UVRAG: variants seen among roughly 807,000 people sequenced by gnomAD.
UVRAG encodes the protein UV radiation resistance-associated gene protein.
UVRAG carries 19 observed loss-of-function variants against 78.0 expected under a neutral mutation model. The observed-to-expected ratio is 0.24, with a 90% confidence interval of 0.17 to 0.36. The LOEUF (loss-of-function observed/expected upper bound fraction) is 0.36, where lower values mean the gene tolerates loss of function less well. Ranked by LOEUF, UVRAG falls within the 10% of genes least tolerant of loss-of-function variation. UVRAG has a pLI of 1.00. For synonymous variants in UVRAG, 323 were observed against 324.6 expected (o/e 1.00, Z 0.05); for missense variants, 740 against 853.8 (o/e 0.87, Z 1.66).
Position 75,836,008 on chromosome 11 carries a change from G to A in UVRAG, c.118-15875G>A, listed in dbSNP as rs531629099. Among the ~76,000 whole-genome samples, 3 of 152,230 alleles carry A rather than the reference G, an allele frequency of 2.0e-5. No individual in the cohort carries two copies. The South Asian group carries it at 6.2e-4, about 32-fold the overall frequency. On this transcript the variant is annotated intron_variant, in intron 1 of 14. Transcript: ENST00000356136. ...CCCAGCTACTTGGGAGGCTGAGGCA[G>A]GAGAATCGCTTGAACCCGGGAGGCG...
chr11:76,110,211 CATATATAT>C (rs10526191), intron 13 of UVRAG, among the ~76,000 whole-genome samples: 4 of 136,644 alleles, frequency 2.9e-5, no homozygotes, highest in African/African-American at 8.9e-5. Context: ...ATATCTGGTA[CATATATAT>C]ATATATATAT....
At chr11:75,840,386 G>C (rs1285568648) in intron 1 of UVRAG, among the ~76,000 whole-genome samples, 1 of 151,988 alleles carries the variant, frequency 6.6e-6, no homozygotes, top group African/African-American at 2.4e-5. Context: ...CTGTTTCTTA[G>C]AGTAACACTA....
chr11:76,037,146 A>G (rs1339412600), intron 12 of UVRAG, among the ~76,000 whole-genome samples: 1 of 152,184 alleles, frequency 6.6e-6, no homozygotes, highest in African/African-American at 2.4e-5. Context: ...CCTGAACAGG[A>G]CAATAGAAGA....
chr11:75,846,872 A>G (rs1033776551), intron 1 of UVRAG, among the ~76,000 whole-genome samples: 2 of 151,144 alleles, frequency 1.3e-5, no homozygotes, highest in African/African-American at 4.9e-5. Context: ...CGCATAGGCT[A>G]TAGTGCAGTG....
chr11:75,906,327 A>C (rs1018126914), intron 5 of UVRAG, among the ~76,000 whole-genome samples: 9 of 151,558 alleles, frequency 5.9e-5, no homozygotes, highest in Non-Finnish European at 1.2e-4. Context: ...GGTTTTTTTT[A>C]GCTTTATAGT....
At chr11:76,013,383 GA>G (rs1950090285) in intron 11 of UVRAG, among the ~76,000 whole-genome samples, 1 of 152,110 alleles carries the variant, frequency 6.6e-6, no homozygotes, top group African/African-American at 2.4e-5. Flanking sequence ...TCACATACCT[GA>G]GTCTTAAGGT....
intron 7 of UVRAG, among the ~76,000 whole-genome samples, chr11:75,964,234 T>G (rs916440787): frequency 6.6e-6 from 1 of 152,234 alleles, no homozygotes; most frequent in Non-Finnish European, 1.5e-5. Flanking sequence ...TGTCTCATTT[T>G]GTTGTCAGGG....
intron 14 of UVRAG, among the ~76,000 whole-genome samples, chr11:76,136,259 T>C (rs1168295200): frequency 4.6e-5 from 7 of 152,184 alleles, no homozygotes; most frequent in African/African-American, 1.7e-4. Flanking sequence ...AAATCAAAAT[T>C]ATTTTATTAA....
At chr11:75,915,601 T>C (rs1238212535) in intron 6 of UVRAG, among the ~76,000 whole-genome samples, 1 of 152,176 alleles carries the variant, frequency 6.6e-6, no homozygotes, top group Non-Finnish European at 1.5e-5. Context: ...TATTTTACAA[T>C]TTTGGGTTGA....
chr11:76,003,257 ATTTTTTTTTTTTTTTTTT>A lies in UVRAG; in HGVS notation c.827-734_827-717del, dbSNP rs398045280. ...CACTATGATTTTCACGAAAATACTGATTTTTTTTTTTTTTTTTTTTTTTTTTTTTTTGGAGACAGAGTC... is the reference window on the plus strand; with the variant it reads ...CACTATGATTTTCACGAAAATACTGATTTTTTTTTTTTTGGAGACAGAGTC... On this transcript the variant is annotated intron_variant, in intron 8 of 14. Transcript: ENST00000356136. Among the ~76,000 whole-genome samples the A allele has an allele frequency of 2.6e-4, 14 of 53,786 alleles. 1 individual carries two copies. Among genetic ancestry groups the A allele is most frequent in the African/African-American group, 9.3e-4 (12 of 12,898 alleles). 35.3% of individuals were successfully genotyped at this position (53,786 alleles called of 152,430 possible). A position where few individuals can be genotyped will look rare whatever the true frequency, so the allele number is the denominator to read the frequency against.
At chr11:76,006,689 G>C (rs914736978) in intron 9 of UVRAG, among the ~76,000 whole-genome samples, 2 of 135,452 alleles carry the variant, frequency 1.5e-5, no homozygotes, top group East Asian at 4.6e-4. Flanking sequence ...AAAAAAAAGA[G>C]AGAGAGAAGG....
chr11:75,822,215 A>G (rs1945409579), intron 1 of UVRAG, among the ~76,000 whole-genome samples: 1 of 152,106 alleles, frequency 6.6e-6, no homozygotes, highest in Non-Finnish European at 1.5e-5. Context: ...AAGTGCTGGT[A>G]TTACAGGCAT....
chr11:75,932,894 T>C (rs956209011), intron 6 of UVRAG, among the ~76,000 whole-genome samples: 3 of 152,184 alleles, frequency 2.0e-5, no homozygotes, highest in Non-Finnish European at 4.4e-5. Context: ...TTCATAGATT[T>C]AGAAGAATTA....
intron 6 of UVRAG, among the ~76,000 whole-genome samples, chr11:75,946,658 A>G (rs1948594490): frequency 6.6e-6 from 1 of 152,172 alleles, no homozygotes; most frequent in African/African-American, 2.4e-5. Context: ...TGTGGTTTAT[A>G]GGACTCAGCC....
At chr11:76,103,845 AAAC>A (rs888835277) in intron 13 of UVRAG, among the ~76,000 whole-genome samples, 10 of 152,058 alleles carry the variant, frequency 6.6e-5, no homozygotes, top group Admixed American at 3.9e-4. Flanking sequence ...ATTAACTTAG[AAAC>A]AACGATTTTA....
chr11:76,060,770 G>A (rs1951071923), intron 12 of UVRAG, among the ~76,000 whole-genome samples: 1 of 152,220 alleles, frequency 6.6e-6, no homozygotes, highest in Non-Finnish European at 1.5e-5. Flanking sequence ...CGCTGCACTC[G>A]ATTTCTCGCC....
At chr11:75,929,980 G>T (rs552618402) in intron 6 of UVRAG, among the ~76,000 whole-genome samples, 1 of 152,276 alleles carries the variant, frequency 6.6e-6, no homozygotes, top group South Asian at 2.1e-4. Flanking sequence ...AAAGTATTCT[G>T]TGCCCTGGAT....
At chr11:75,828,805 A>ATATATTT (rs1478310271) in intron 1 of UVRAG, among the ~76,000 whole-genome samples, 1 of 100,276 alleles carries the variant, frequency 1.0e-5, no homozygotes, top group African/African-American at 4.0e-5. Context: ...ATATATATAT[A>ATATATTT]TTTTTTTTTT....
intron 3 of UVRAG, among the ~76,000 whole-genome samples, chr11:75,877,866 A>AC (rs774545843): frequency 2.7e-4 from 23 of 85,708 alleles, no homozygotes; most frequent in South Asian, 4.2e-4. Flanking sequence ...CGGGGGGCTG[A>AC]CCCCCCCACC....
Sources: allele counts gnomAD v4.1 joint callset (sites outside exome capture counted in the v4.1 genomes callset), GRCh38; gene constraint gnomAD v4.1.1; transcripts MANE v1.5; gene names NCBI Gene and HGNC (gene_info 2026-07-23, HGNC 2026-07-21).